Variants in SLC35A5 observed in about 807,000 individuals in gnomAD.
SLC35A5 encodes UDP-sugar transporter protein SLC35A5.
Under a neutral mutation model 36.3 loss-of-function variants are expected in SLC35A5, and 28 were observed. That is an observed-to-expected ratio of 0.77 (90% CI 0.57 to 1.06). SLC35A5 has a LOEUF of 1.06. Among genes scored for constraint, SLC35A5 ranks in the 50% least tolerant of loss-of-function variants. The probability of loss-of-function intolerance (pLI) is 0.00; values close to 1 mark genes in which losing one functional copy is unlikely to be tolerated. For synonymous variants in SLC35A5, 180 were observed against 173.7 expected, an observed-to-expected ratio of 1.04 and a Z score of -0.29; for missense variants, 521 against 499.3, an observed-to-expected ratio of 1.04 and a Z score of -0.41.
rs1462087923 is a variant in SLC35A5 at position 112,583,231 on chromosome 3, CGTTG to C, written c.*500_*503del. The C allele has an allele frequency of 1.0e-5, 4 of 396,892 alleles. No individual in the cohort carries two copies. The highest frequency in any genetic ancestry group is 8.2e-5 in the African/African-American group (4 of 48,526). 24.6% of individuals were successfully genotyped at this position (396,892 alleles called of 1,614,324 possible). A position where few individuals can be genotyped will look rare whatever the true frequency, so the allele number is the denominator to read the frequency against. ...AGAGCAACGGGACCCTTTCTAAAAA[CGTTG>C]GTTGAAGGACCTAAATACCTGGCCA... On this transcript the variant is annotated 3_prime_UTR_variant, in exon 7 of 7. Transcript: ENST00000492406.
In SLC35A5 at chr3:112,580,665, A is replaced by G. The variant is rs1057037818; in HGVS notation, c.548A>G (p.Asp183Gly). 2 of 1,614,136 alleles carry G rather than the reference A, an allele frequency of 1.2e-6. No homozygotes were observed. The highest frequency in any genetic ancestry group is 1.7e-5 in the Admixed American group (1 of 60,020). ...TTGGCAGGACGTGGATTTCATCACGATGCCTTTTTCAGCCCTTCCAATTCC... is the reference window on the plus strand; with the variant it reads ...TTGGCAGGACGTGGATTTCATCACGGTGCCTTTTTCAGCCCTTCCAATTCC... Reference protein sequence around the residue: ...HNLAGRGFHHDAFFSPSNSCL... With the variant: ...HNLAGRGFHHGAFFSPSNSCL... The change falls in exon 6 of 7, where the codon GAT becomes GGT. Residue 183 changes from aspartate (D) to glycine (G), a missense_variant. Coordinates refer to ENST00000492406, the MANE Select transcript of SLC35A5 (RefSeq NM_017945.5).
At chr3:112,565,552 C>T (rs1219639483) in intron 2 of SLC35A5, among the ~76,000 whole-genome samples, 2 of 152,142 alleles carry the variant, frequency 1.3e-5, no homozygotes, top group African/African-American at 2.4e-5. Context: ...CCAAGGCCGG[C>T]GGATCACTTG....
In SLC35A5 at chr3:112,583,369, G is replaced by A; in HGVS notation, c.*633G>A. The A allele has an allele frequency of 2.7e-6, 1 of 372,210 alleles. No individual in the cohort carries two copies. The highest frequency in any genetic ancestry group is 4.8e-6 in the Non-Finnish European group (1 of 209,630). 23.1% of individuals were successfully genotyped at this position (372,210 alleles called of 1,614,324 possible). ...ATTTTTAGAAATTCATGGGAAATTG[G>A]ATTTTTGTAATAATCTTTTGATGTT... On this transcript the variant is annotated 3_prime_UTR_variant, in exon 7 of 7. Coordinates refer to ENST00000492406, the MANE Select transcript of SLC35A5 (RefSeq NM_017945.5).
At chr3:112,573,349 C>A (rs900008842) in intron 4 of SLC35A5, among the ~76,000 whole-genome samples, 1 of 152,274 alleles carries the variant, frequency 6.6e-6, no homozygotes, top group African/African-American at 2.4e-5. Flanking sequence ...CTGGCTGATA[C>A]ATTTCTAAGT....
Position 112,580,674 on chromosome 3 carries a change from T to A in SLC35A5, c.557T>A (p.Phe186Tyr). The change falls in exon 6 of 7, where the codon TTC becomes TAC. Residue 186 changes from phenylalanine (F) to tyrosine (Y), a missense_variant. By Grantham distance (22) the Phe-to-Tyr change is conservative. Coordinates refer to ENST00000492406, the MANE Select transcript of SLC35A5 (RefSeq NM_017945.5). ...CGTGGATTTCATCACGATGCCTTTT[T>A]CAGCCCTTCCAATTCCTGCCTTCTT... ...AGRGFHHDAF[F>Y]SPSNSCLLFR... is the part of the protein sequence containing the mutation. 2 of 1,614,208 alleles carry A rather than the reference T, an allele frequency of 1.2e-6. No individual in the cohort carries two copies. Among genetic ancestry groups the A allele is most frequent in the Non-Finnish European group, 1.7e-6 (2 of 1,179,996 alleles).
intron 6 of SLC35A5, 26 bp downstream of exon 6, chr3:112,581,352 T>C (rs1309323584): frequency 6.5e-7 from 1 of 1,547,300 alleles, no homozygotes; most frequent in East Asian, 2.2e-5. Flanking sequence ...TGTTCCTTTT[T>C]GCTTGTTCTT....
chr3:112,573,433 G>C (rs1389518679), intron 4 of SLC35A5, among the ~76,000 whole-genome samples: 4 of 152,064 alleles, frequency 2.6e-5, no homozygotes, highest in Non-Finnish European at 2.9e-5. Context: ...AGTTCAACCA[G>C]GAAAATTGAT....
At chr3:112,574,085 A>C in intron 5 of SLC35A5, 129 bp downstream of exon 5, 1 of 741,202 alleles carries the variant, frequency 1.3e-6, no homozygotes. Flanking sequence ...GACTTTGTGT[A>C]CTGGGCACGT....
At chr3:112,564,571 C>G (rs1934105633) in intron 2 of SLC35A5, among the ~76,000 whole-genome samples, 2 of 152,122 alleles carry the variant, frequency 1.3e-5, no homozygotes, top group Non-Finnish European at 2.9e-5. Flanking sequence ...CCTCTTGTCT[C>G]AACTGCAAAG....
Position 112,580,877 on chromosome 3 carries a change from CTGAA to C in SLC35A5, c.761_764del (p.Leu254ArgfsTer27). ...GGCTAATATCTATAATGAAAAGATACTGAAGGAAGGGAACCAGCTCACTGAAAGC... is the reference window on the plus strand; with the variant it reads ...GGCTAATATCTATAATGAAAAGATACGGAAGGGAACCAGCTCACTGAAAGC... On this transcript the variant is annotated frameshift_variant, in exon 6 of 7. Transcript: ENST00000492406. LOFTEE classifies it high-confidence loss of function. 1 of 1,614,102 alleles carries C rather than the reference CTGAA, an allele frequency of 6.2e-7. No individual in the cohort carries two copies. The highest frequency in any genetic ancestry group is 8.5e-7 in the Non-Finnish European group (1 of 1,179,978).
intron 5 of SLC35A5, 121 bp from the exon 6 acceptor site, chr3:112,580,425 A>G: frequency 9.0e-7 from 1 of 1,111,056 alleles, no homozygotes; most frequent in Non-Finnish European, 1.3e-6. Context: ...AGTGGTAGGA[A>G]ATGCTAGCAA....
chr3:112,580,974 A>G lies in SLC35A5; in HGVS notation c.857A>G (p.Gln286Arg). The G allele has an allele frequency of 6.2e-7, 1 of 1,614,148 alleles. No homozygotes were observed. Among genetic ancestry groups the G allele is most frequent in the Non-Finnish European group, 8.5e-7 (1 of 1,180,000 alleles). Residue 286 changes from glutamine to arginine, a missense_variant, in exon 6 of 7, where the codon CAG becomes CGG. Gln to Arg is a conservative substitution (Grantham distance 43, BLOSUM62 1). Coordinates refer to ENST00000492406, the MANE Select transcript of SLC35A5 (RefSeq NM_017945.5). The stretch of plus-strand genomic sequence containing the variant: ...TTTAATGGGCTGACTCTGGGCCTTC[A>G]GAGGAGTAACCGTGATCAGATTAAG... ...ILFNGLTLGL[Q>R]RSNRDQIKNC...
chr3:112,576,384 C>T (rs957550371), intron 5 of SLC35A5, among the ~76,000 whole-genome samples: 6 of 132,696 alleles, frequency 4.5e-5, no homozygotes, highest in African/African-American at 1.8e-4. Flanking sequence ...CTTGGCCTCT[C>T]AAAGTGTTGG....
Position 112,582,797 on chromosome 3 carries a change from A to T in SLC35A5, c.*61A>T. 7.5e-7 allele frequency: 1 copy of T among 1,335,762 alleles called. No individual in the cohort carries two copies. The highest frequency in any genetic ancestry group is 1.1e-6 in the Non-Finnish European group (1 of 939,204). 82.7% of individuals were successfully genotyped at this position (1,335,762 alleles called of 1,614,324 possible). Reference sequence around the variant, plus strand: ...TATTTTCACATTTTCAGTGTTTGTAATATTTATCTTTTCACTTTGATAAAC... The same window carrying T: ...TATTTTCACATTTTCAGTGTTTGTATTATTTATCTTTTCACTTTGATAAAC... On this transcript the variant is annotated 3_prime_UTR_variant, in exon 7 of 7. Transcript: ENST00000492406.
intron 5 of SLC35A5, among the ~76,000 whole-genome samples, chr3:112,574,766 T>A (rs1285042992): frequency 3.3e-5 from 5 of 152,108 alleles, no homozygotes; most frequent in African/African-American, 7.2e-5. Flanking sequence ...AAAGGGTGAC[T>A]GGCTTGGTAC....
intron 2 of SLC35A5, among the ~76,000 whole-genome samples, chr3:112,565,886 TG>T (rs1168129689): frequency 2.6e-5 from 4 of 152,188 alleles, no homozygotes; most frequent in Non-Finnish European, 2.9e-5. Context: ...GGTAAGGAGC[TG>T]GGACCTTAGT....
intron 2 of SLC35A5, among the ~76,000 whole-genome samples, chr3:112,567,855 T>A (rs1934268511): frequency 1.3e-5 from 2 of 152,030 alleles, no homozygotes; most frequent in Middle Eastern, 6.8e-3. Context: ...TAATCCAAAG[T>A]CCCCCCTTCT....
chr3:112,561,587 G>C (rs1318089138), upstream of SLC35A5: 6 of 1,538,538 alleles, frequency 3.9e-6, no homozygotes, highest in South Asian at 3.4e-5. Flanking sequence ...CCGTGTCAGG[G>C]GCCAGGGAGT....
intron 2 of SLC35A5, 42 bp downstream of exon 2, chr3:112,563,575 A>G (rs1197603539): frequency 4.7e-6 from 7 of 1,505,150 alleles, no homozygotes; most frequent in Non-Finnish European, 6.3e-6. Flanking sequence ...CTTCCATCTA[A>G]TCACACATCT....
Sources: allele counts gnomAD v4.1 joint callset (sites outside exome capture counted in the v4.1 genomes callset), GRCh38; gene constraint gnomAD v4.1.1; transcripts MANE v1.5; gene names NCBI Gene and HGNC (gene_info 2026-07-23, HGNC 2026-07-21).